Variants in RNF212B observed in about 807,000 individuals in gnomAD.
RNF212B encodes E3 ubiquitin-protein ligase RNF212B.
Under a neutral mutation model 55.5 loss-of-function variants are expected in RNF212B, and 52 were observed. That is an observed-to-expected ratio of 0.94 (90% CI 0.75 to 1.18). The LOEUF (loss-of-function observed/expected upper bound fraction) is 1.18. Among genes scored for constraint, RNF212B ranks in the 50% most tolerant of loss-of-function variants. RNF212B has a pLI of 0.00. For synonymous variants in RNF212B, 99 were observed against 121.4 expected (o/e 0.82, Z 1.21); for missense variants, 289 against 350.4 (o/e 0.82, Z 1.40).
chr14:23,271,348 CAGG>C (rs1886064622), intron 14 of RNF212B, among the ~76,000 whole-genome samples: 1 of 151,656 alleles, frequency 6.6e-6, no homozygotes, highest in Admixed American at 6.6e-5. Context: ...GAGGCTGAGA[CAGG>C]AGAATTGCTT....
At chr14:23,237,877 G>A (rs370996472), upstream of RNF212B, among the ~76,000 whole-genome samples, 15 of 151,884 alleles carry the variant, frequency 9.9e-5, no homozygotes, top group East Asian at 1.9e-4. Flanking sequence ...CACGCCCACT[G>A]ATTTAGCATA....
rs1166613606 is a variant in RNF212B, at chr14:23,208,757, G to GTTTTTTTTTT, written c.-2+15366_-2+15375dup. On this transcript the variant is annotated intron_variant, in intron 2 of 15. Coordinates refer to the RNF212B transcript ENST00000399910. ...GCAGTCCCAAGGGCTGCTGGTTGCC[G>GTTTTTTTTTT]TTTTTTTTTTTTTTTTTTTGAGACG... 4.5e-3 allele frequency among the ~76,000 whole-genome samples: 437 copies of GTTTTTTTTTT among 98,106 alleles called. 35 individuals are homozygous for GTTTTTTTTTT. The highest frequency in any genetic ancestry group is 8.3e-3 in the African/African-American group (182 of 21,892). The allele number at this position is 98,106 out of a possible 152,430, so 64.4% of individuals were successfully genotyped here. A position where few individuals can be genotyped will look rare whatever the true frequency, so the allele number is the denominator to read the frequency against.
At chr14:23,233,390 C>G (rs1882859106), upstream of RNF212B, among the ~76,000 whole-genome samples, 1 of 146,680 alleles carries the variant, frequency 6.8e-6, no homozygotes, top group Admixed American at 6.8e-5. Context: ...GAGAAACACC[C>G]AAGAATGATC....
chr14:23,234,720 G>A (rs1482486607), upstream of RNF212B, among the ~76,000 whole-genome samples: 1 of 152,220 alleles, frequency 6.6e-6, no homozygotes, highest in Non-Finnish European at 1.5e-5. Context: ...AATATTGGAT[G>A]GGGCTAACGC....
At chr14:23,195,242 A>G (rs1414617182) in intron 2 of RNF212B, among the ~76,000 whole-genome samples, 1 of 151,932 alleles carries the variant, frequency 6.6e-6, no homozygotes, top group East Asian at 1.9e-4. Flanking sequence ...AGCTTGGGCA[A>G]CATAGTGACA....
At chr14:23,208,790 A>G (rs555710715) in intron 2 of RNF212B, among the ~76,000 whole-genome samples, 19 of 91,148 alleles carry the variant, frequency 2.1e-4, no homozygotes, top group Admixed American at 5.0e-4. Flanking sequence ...ACGGAGTCTC[A>G]CTCTGTCGCC....
At chr14:23,206,490 A>G (rs1321709394) in intron 2 of RNF212B, among the ~76,000 whole-genome samples, 1 of 152,224 alleles carries the variant, frequency 6.6e-6, no homozygotes, top group Non-Finnish European at 1.5e-5. Flanking sequence ...ACATAAATAT[A>G]TATAAAGACG....
chr14:23,251,856 A>C (rs1281657404), intron 4 of RNF212B, among the ~76,000 whole-genome samples: 1 of 152,000 alleles, frequency 6.6e-6, no homozygotes, highest in Non-Finnish European at 1.5e-5. Flanking sequence ...TCATGGAAAT[A>C]GCCAAATGGA....
At position 23,206,897 on chromosome 14, in the gene RNF212B, AAAAC is replaced by A. The variant is rs1034236102; in HGVS notation, c.-2+13501_-2+13504del. 4.6e-5 allele frequency among the ~76,000 whole-genome samples: 7 copies of A among 152,150 alleles called. No individual in the cohort carries two copies. The South Asian group carries it at 8.3e-4, about 18-fold the overall frequency. On this transcript the variant is annotated intron_variant, in intron 2 of 15. Coordinates refer to the RNF212B transcript ENST00000399910. ...ATTCAGATAACTGAGAAGAAAAAGAAAAACAAACTTTCGTTAAAAAAAAAAAGAC... is the reference window on the plus strand; with the variant it reads ...ATTCAGATAACTGAGAAGAAAAAGAAAAACTTTCGTTAAAAAAAAAAAGAC...
chr14:23,259,111 G>A (rs1482796455), intron 5 of RNF212B, among the ~76,000 whole-genome samples: 1 of 150,636 alleles, frequency 6.6e-6, no homozygotes, highest in Non-Finnish European at 1.5e-5. Flanking sequence ...AAGATCGTTT[G>A]AGCCCAGGAG....
intron 2 of RNF212B, among the ~76,000 whole-genome samples, chr14:23,222,218 A>G (rs532405856): frequency 6.6e-6 from 1 of 152,176 alleles, no homozygotes; most frequent in Admixed American, 6.5e-5. Context: ...TTTTGAAAAG[A>G]TGAACAAAAT....
At chr14:23,206,040 A>G (rs964625969) in intron 2 of RNF212B, among the ~76,000 whole-genome samples, 3 of 152,232 alleles carry the variant, frequency 2.0e-5, no homozygotes. Flanking sequence ...TATTTATTAA[A>G]GATTTTACTT....
chr14:23,262,349 A>G (rs1045978027), intron 7 of RNF212B, among the ~76,000 whole-genome samples: 1 of 152,202 alleles, frequency 6.6e-6, no homozygotes, highest in Non-Finnish European at 1.5e-5. Flanking sequence ...GGAGGGATGT[A>G]TGAATGGATG....
chr14:23,219,214 A>C (rs1481364410), intron 2 of RNF212B, among the ~76,000 whole-genome samples: 1 of 152,206 alleles, frequency 6.6e-6, no homozygotes, highest in Non-Finnish European at 1.5e-5. Flanking sequence ...TCTGAAAGAA[A>C]AAGATGCTAA....
chr14:23,221,444 C>T (rs1365459717), intron 2 of RNF212B, among the ~76,000 whole-genome samples: 1 of 152,058 alleles, frequency 6.6e-6, no homozygotes, highest in East Asian at 1.9e-4. Flanking sequence ...GAGAGTGTAA[C>T]AATTGTAAGT....
chr14:23,235,357 AC>A (rs976994471), upstream of RNF212B, among the ~76,000 whole-genome samples: 1 of 152,186 alleles, frequency 6.6e-6, no homozygotes, highest in African/African-American at 2.4e-5. Flanking sequence ...TCTCTTAAAA[AC>A]AATTATATTT....
chr14:23,233,047 T>C (rs1047248818), upstream of RNF212B, among the ~76,000 whole-genome samples: 3 of 152,260 alleles, frequency 2.0e-5, no homozygotes, highest in Non-Finnish European at 4.4e-5. Context: ...GGAGACTCCA[T>C]TTTGTTCTGT....
chr14:23,225,639 G>T (rs557076392), intron 2 of RNF212B, among the ~76,000 whole-genome samples: 1 of 149,876 alleles, frequency 6.7e-6, no homozygotes, highest in South Asian at 2.2e-4. Context: ...TAGAAGGATG[G>T]TTATTAGAGG....
chr14:23,246,445 A>T (rs976323364), intron 4 of RNF212B, among the ~76,000 whole-genome samples: 1 of 152,084 alleles, frequency 6.6e-6, no homozygotes, highest in African/African-American at 2.4e-5. Flanking sequence ...CTAATGACCA[A>T]CTCGGCCTGC....
Sources: allele counts gnomAD v4.1 joint callset (sites outside exome capture counted in the v4.1 genomes callset), GRCh38; gene constraint gnomAD v4.1.1; transcripts MANE v1.5; gene names NCBI Gene and HGNC (gene_info 2026-07-23, HGNC 2026-07-21).